The following SPAM1 variants were observed in gnomAD, a reference collection of about 807,000 sequenced individuals.
SPAM1 encodes the protein hyaluronidase PH-20.
In SPAM1, 22 loss-of-function variants were observed where a neutral mutation model predicts 29.6. The observed-to-expected ratio is 0.74, with a 90% confidence interval of 0.53 to 1.06. The LOEUF is 1.06. Among genes scored for constraint, SPAM1 ranks in the 50% least tolerant of loss-of-function variants. The probability of loss-of-function intolerance (pLI) is 0.00; values close to 1 mark genes in which losing one functional copy is unlikely to be tolerated. For missense variants in SPAM1, 534 were observed against 604.0 expected (o/e 0.88, Z 1.21); for synonymous variants, 194 against 204.6 (o/e 0.95, Z 0.44).
intron 1 of SPAM1, among the ~76,000 whole-genome samples, chr7:123,930,125 C>A (rs986262432): frequency 1.3e-5 from 2 of 152,062 alleles, no homozygotes; most frequent in Admixed American, 1.3e-4. Flanking sequence ...TATTCTTAAT[C>A]TTGAGGGAAT....
chr7:123,954,427 T>C lies in SPAM1; in HGVS notation c.857T>C (p.Ile286Thr). Reference protein sequence around the residue: ...LYVRNRVREAIRVSKIPDAKS... With the variant: ...LYVRNRVREATRVSKIPDAKS... Reference sequence around the variant, plus strand: ...GTGCGCAATCGAGTTCGGGAAGCCATCAGAGTTTCCAAAATACCTGATGCA... The same window carrying C: ...GTGCGCAATCGAGTTCGGGAAGCCACCAGAGTTTCCAAAATACCTGATGCA... Residue 286 changes from isoleucine to threonine, a missense_variant, in exon 3 of 5, where the codon ATC becomes ACC. Physicochemically the swap from Ile to Thr is moderately conservative, Grantham distance 89. Coordinates refer to ENST00000682466, the MANE Select transcript of SPAM1 (RefSeq NM_153189.3). The C allele has an allele frequency of 6.2e-7, 1 of 1,613,426 alleles. No individual in the cohort carries two copies. The highest frequency in any genetic ancestry group is 8.5e-7 in the Non-Finnish European group (1 of 1,179,640).
rs753125897 is a variant in SPAM1, at chr7:123,953,706, A to G, written c.136A>G (p.Asn46Asp). ...TTTCAGAGCACCTCCTGTTATTCCA[A>G]ATGTGCCTTTCCTCTGGGCCTGGAA... ...LNFRAPPVIP[N>D]VPFLWAWNAP... The change falls in exon 3 of 5, where the codon AAT (asparagine) becomes GAT (aspartate). Residue 46 changes from asparagine (N) to aspartate (D), a missense_variant. Physicochemically the swap from Asn to Asp is conservative, Grantham distance 23. Coordinates refer to ENST00000682466, the MANE Select transcript of SPAM1 (RefSeq NM_153189.3). 1.9e-6 allele frequency: 3 copies of G among 1,613,430 alleles called. No individual in the cohort carries two copies. The highest frequency in any genetic ancestry group is 1.1e-5 in the South Asian group (1 of 91,056).
chr7:123,946,204 A>G (rs1808571444), intron 1 of SPAM1, among the ~76,000 whole-genome samples: 1 of 152,172 alleles, frequency 6.6e-6, no homozygotes, highest in African/African-American at 2.4e-5. Context: ...AAGCAGAAAA[A>G]CTTGCCTTCC....
At chr7:123,960,475 G>A (rs558445550), downstream of SPAM1, among the ~76,000 whole-genome samples, 3 of 146,208 alleles carry the variant, frequency 2.1e-5, no homozygotes, top group Admixed American at 1.4e-4. Flanking sequence ...AAAACAAAAG[G>A]AGGGAAGAGA....
intron 4 of SPAM1, among the ~76,000 whole-genome samples, chr7:123,958,221 T>C (rs1317734958): frequency 6.6e-6 from 1 of 152,030 alleles, no homozygotes; most frequent in Non-Finnish European, 1.5e-5. Context: ...TATCTACCAC[T>C]GCCACTTCCT....
intron 4 of SPAM1, among the ~76,000 whole-genome samples, chr7:123,956,792 G>A (rs1792256455): frequency 6.6e-6 from 1 of 151,930 alleles, no homozygotes; most frequent in African/African-American, 2.4e-5. Flanking sequence ...TTCACACCAT[G>A]GTACCATAAT....
At chr7:123,933,215 C>G (rs1394650672) in intron 1 of SPAM1, among the ~76,000 whole-genome samples, 6 of 151,842 alleles carry the variant, frequency 4.0e-5, no homozygotes, top group African/African-American at 1.2e-4. Flanking sequence ...TTGCTCTCCC[C>G]CTCCTTGCCC....
chr7:123,939,435 C>G (rs1374634558), intron 1 of SPAM1, among the ~76,000 whole-genome samples: 2 of 152,240 alleles, frequency 1.3e-5, no homozygotes, highest in South Asian at 2.1e-4. Flanking sequence ...GGTGCGTCAG[C>G]CTTACGCTTG....
Position 123,953,892 on chromosome 7 carries a change from G to A in SPAM1, c.322G>A (p.Val108Ile), listed in dbSNP as rs750074526. The A allele has an allele frequency of 1.2e-5, 19 of 1,613,270 alleles. No individual in the cohort carries two copies. Among genetic ancestry groups the A allele is most frequent in the Non-Finnish European group, 1.6e-5 (19 of 1,179,510 alleles). Residue 108 changes from valine (V) to isoleucine (I), a missense_variant, in exon 3 of 5, where the codon GTA becomes ATA. Coordinates refer to ENST00000682466, the MANE Select transcript of SPAM1 (RefSeq NM_153189.3). ...TCCTTACATAGATTCAATCACAGGA[G>A]TAACTGTGAATGGAGGAATCCCCCA... ...YYPYIDSITG[V>I]TVNGGIPQKI... is the part of the protein sequence containing the mutation.
intron 5 of SPAM1, among the ~76,000 whole-genome samples, chr7:123,965,535 C>T (rs1394542349): frequency 6.6e-6 from 1 of 151,986 alleles, no homozygotes; most frequent in Non-Finnish European, 1.5e-5. Flanking sequence ...ACCCAGTTCT[C>T]CCAGTACCAT....
intron 4 of SPAM1, among the ~76,000 whole-genome samples, chr7:123,958,373 T>C (rs1385715361): frequency 6.6e-6 from 1 of 152,118 alleles, no homozygotes; most frequent in Non-Finnish European, 1.5e-5. Context: ...TGAATCATTT[T>C]AGTTAGTCAT....
chr7:123,970,419 C>G (rs1053926223), intron 6 of SPAM1: 10 of 598,544 alleles, frequency 1.7e-5, no homozygotes, highest in South Asian at 2.7e-5. Context: ...CACTTAATTA[C>G]CTCTTAAAGA....
chr7:123,961,795 G>A (rs79684733), downstream of SPAM1, among the ~76,000 whole-genome samples: 2,384 of 152,020 alleles, frequency 0.016, 55 homozygotes, highest in African/African-American at 0.054. Context: ...TCTTAGTTCC[G>A]CATGGCTGGG....
intron 6 of SPAM1, among the ~76,000 whole-genome samples, chr7:123,970,582 C>T (rs1463725322): frequency 2.6e-5 from 3 of 115,382 alleles, no homozygotes; most frequent in African/African-American, 3.8e-5. Flanking sequence ...CAGTGAGATC[C>T]CATCTCTACA....
At chr7:123,971,030 A>G (rs1295642433) in exon 7 of SPAM1, 1 of 152,072 alleles carries the variant, frequency 6.6e-6, no homozygotes, top group Non-Finnish European at 1.5e-5. Context: ...CATGACTATC[A>G]TCACCAACAT....
Position 123,953,608 on chromosome 7 carries a change from G to A in SPAM1, c.38G>A (p.Ser13Asn), listed in dbSNP as rs745387021. The change falls in exon 3 of 5, where the codon AGC becomes AAC. Residue 13 changes from serine (S) to asparagine (N), a missense_variant. Physicochemically the swap from Ser to Asn is conservative, Grantham distance 46 (BLOSUM62 1). Coordinates refer to ENST00000682466, the MANE Select transcript of SPAM1 (RefSeq NM_153189.3). ...VLKFKHIFFR[S>N]FVKSSGVSQI... ...AAATTCAAGCACATCTTTTTCAGAA[G>A]CTTTGTTAAATCAAGTGGAGTATCC... The A allele has an allele frequency of 1.9e-6, 3 of 1,599,236 alleles. No homozygotes were observed. The Admixed American group carries it at 5.4e-5, about 29-fold the overall frequency.
intron 1 of SPAM1, among the ~76,000 whole-genome samples, chr7:123,935,919 G>T (rs968943201): frequency 1.3e-5 from 2 of 151,522 alleles, no homozygotes; most frequent in South Asian, 2.1e-4. Flanking sequence ...TATTTTATGG[G>T]TTTTTTTTAA....
rs1172630961 is a variant in SPAM1, at chr7:123,953,271, T to TTTAG, written c.-206-94_-206-93insTTAG. The TTTAG allele has an allele frequency of 3.0e-5, 8 of 268,290 alleles. No individual in the cohort carries two copies. The Admixed American group carries it at 3.6e-4, about 12-fold the overall frequency. 16.6% of individuals were successfully genotyped at this position (268,290 alleles called of 1,614,324 possible). A position where few individuals can be genotyped will look rare whatever the true frequency, so the allele number is the denominator to read the frequency against. ...GATCCTCCATCTTCTAAAATGAAATTAAACCCCCTGCACTTAAAGTTGAGA... is the reference window on the plus strand; with the variant it reads ...GATCCTCCATCTTCTAAAATGAAATTTTAGAAACCCCCTGCACTTAAAGTTGAGA... On this transcript the variant is annotated intron_variant, in intron 2 of 4. Coordinates refer to ENST00000682466, the MANE Select transcript of SPAM1 (RefSeq NM_153189.3).
intron 1 of SPAM1, among the ~76,000 whole-genome samples, chr7:123,943,944 T>C (rs1000200476): frequency 6.6e-6 from 1 of 152,178 alleles, no homozygotes; most frequent in African/African-American, 2.4e-5. Flanking sequence ...ATCTTGACCA[T>C]AAGATATAAT....
Sources: gnomAD v4.1 joint callset for allele counts (sites outside exome capture counted in the v4.1 genomes callset) on GRCh38, gnomAD v4.1.1 for gene constraint, MANE v1.5 for transcripts, NCBI Gene and HGNC (gene_info 2026-07-23, HGNC 2026-07-21) for gene names.